Variants in DGKB observed in about 807,000 individuals in gnomAD.
DGKB encodes diacylglycerol kinase beta, also known as 90 kDa diacylglycerol kinase.
Under a neutral mutation model 114.3 loss-of-function variants are expected in DGKB, and 67 were observed. The observed-to-expected ratio is 0.59, with a 90% CI of 0.48 to 0.72. DGKB has a LOEUF of 0.72. DGKB is among the 30% of genes least tolerant of loss of function. The pLI, the probability that DGKB is intolerant of heterozygous loss-of-function variation, is 0.00. For missense variants in DGKB, 907 were observed against 975.2 expected (o/e 0.93, Z 0.93); for synonymous variants, 398 against 323.1 (o/e 1.23, Z -2.49).
At chr7:14,716,680 T>C (rs1269186648) in intron 6 of DGKB, among the ~76,000 whole-genome samples, 1 of 152,046 alleles carries the variant, frequency 6.6e-6, no homozygotes, top group African/African-American at 2.4e-5. Flanking sequence ...ATGTGGTAAA[T>C]TGTTAAGAAA....
intron 1 of DGKB, among the ~76,000 whole-genome samples, chr7:14,945,772 T>C (rs575048632): frequency 2.2e-4 from 33 of 151,788 alleles, no homozygotes; most frequent in Non-Finnish European, 4.1e-4. Context: ...ATTCCAGCAA[T>C]TTATGTTTAT....
At chr7:14,539,445 G>A (rs991864699) in intron 20 of DGKB, among the ~76,000 whole-genome samples, 1 of 152,028 alleles carries the variant, frequency 6.6e-6, no homozygotes, top group Non-Finnish European at 1.5e-5. Flanking sequence ...AAATAAAATA[G>A]CATTCATAAA....
intron 1 of DGKB, among the ~76,000 whole-genome samples, chr7:14,952,372 G>T (rs531970213): frequency 6.6e-6 from 1 of 152,080 alleles, no homozygotes; most frequent in African/African-American, 2.4e-5. Context: ...CACGTACATG[G>T]ATCGAATGAC....
rs566590897 is a variant in DGKB at position 14,240,640 on chromosome 7, A to G, written c.2123-62489T>C. Among the ~76,000 whole-genome samples, 31 of 152,154 alleles carry G rather than the reference A, an allele frequency of 2.0e-4. 2 individuals carry two copies. In the South Asian group the frequency reaches 6.2e-3, roughly 30 times the overall value. ...TCCCTTACCTTTTCTTCCCTCCCCA[A>G]GAGAAAGATCTTTGGTGAAAAAACT... On this transcript the variant is annotated intron_variant, in intron 23 of 25. Transcript: ENST00000402815.
chr7:14,436,957 T>C (rs1008809747), intron 21 of DGKB, among the ~76,000 whole-genome samples: 1 of 152,130 alleles, frequency 6.6e-6, no homozygotes, highest in Non-Finnish European at 1.5e-5. Context: ...CTAGTATCCA[T>C]TAATTAACAC....
chr7:14,311,408 C>T (rs1218296772), intron 23 of DGKB, among the ~76,000 whole-genome samples: 1 of 152,088 alleles, frequency 6.6e-6, no homozygotes, highest in African/African-American at 2.4e-5. Flanking sequence ...GCTTCACCCA[C>T]AACTTTATTC....
intron 21 of DGKB, among the ~76,000 whole-genome samples, chr7:14,474,459 A>G (rs1252040939): frequency 6.6e-6 from 1 of 152,166 alleles, no homozygotes; most frequent in Admixed American, 6.6e-5. Context: ...AGAGTAATAC[A>G]CTGCCAATAC....
intron 25 of DGKB, among the ~76,000 whole-genome samples, chr7:14,170,201 G>GAAAGAAAGAAAGAAAGAAAGAAATAAAT (rs1554272246): frequency 7.0e-6 from 1 of 142,676 alleles, no homozygotes; most frequent in Non-Finnish European, 1.5e-5. Flanking sequence ...AAGAAAGAAA[G>GAAAGAAAGAAAGAAAGAAAGAAATAAAT]AAATACATTA....
chr7:14,933,953 T>C (rs36870), intron 1 of DGKB, among the ~76,000 whole-genome samples: 19,402 of 152,182 alleles, frequency 0.13, 1,671 homozygotes, highest in Non-Finnish European at 0.19. Context: ...TATATCCCAA[T>C]ATGTTCCTCT....
At chr7:14,331,524 T>C (rs1189607731) in intron 23 of DGKB, among the ~76,000 whole-genome samples, 1 of 152,106 alleles carries the variant, frequency 6.6e-6, no homozygotes, top group African/African-American at 2.4e-5. Context: ...AAATTCATAA[T>C]AGTGGATGAC....
At position 14,149,203 on chromosome 7, in the gene DGKB, C is replaced by G. The variant is rs377024982; in HGVS notation, c.2340G>C (p.Leu780=). The G allele has an allele frequency of 2.5e-6, 4 of 1,613,156 alleles. No homozygotes were observed. Among genetic ancestry groups the G allele is most frequent in the African/African-American group, 1.3e-5 (1 of 74,792 alleles). ...AACCGGTTTTTGGAGGCGGGCCCAT[C>G]AGCATTGGGGCTTGGTTCTTGTGTG... ...KITHKNQAPM[L]MGPPPKTGLF... The change falls in exon 26 of 26, where the codon CTG becomes CTC. Residue 780 remains leucine, a synonymous_variant. Coordinates refer to ENST00000402815, the MANE Select transcript of DGKB (RefSeq NM_001350709.2).
At chr7:14,732,650 G>A (rs1564046252) in intron 5 of DGKB, among the ~76,000 whole-genome samples, 3 of 152,068 alleles carry the variant, frequency 2.0e-5, no homozygotes, top group African/African-American at 7.2e-5. Flanking sequence ...AGGAATCAGA[G>A]TTTAATTAAT....
chr7:14,382,121 C>T (rs1475809781), intron 21 of DGKB, among the ~76,000 whole-genome samples: 1 of 152,162 alleles, frequency 6.6e-6, no homozygotes, highest in Admixed American at 6.5e-5. Context: ...CTCTGATAGG[C>T]TGGTAGCAGC....
intron 1 of DGKB, among the ~76,000 whole-genome samples, chr7:14,851,865 C>T (rs1042026373): frequency 6.6e-6 from 1 of 152,128 alleles, no homozygotes; most frequent in African/African-American, 2.4e-5. Flanking sequence ...AGCTTCCACC[C>T]CCAAACATGA....
chr7:14,908,610 T>C (rs546171198), intron 1 of DGKB, among the ~76,000 whole-genome samples: 3 of 152,330 alleles, frequency 2.0e-5, no homozygotes, highest in African/African-American at 7.2e-5. Flanking sequence ...AGATAAAGCA[T>C]TTTATTTTTT....
chr7:14,340,207 T>C (rs1462907779), intron 22 of DGKB, among the ~76,000 whole-genome samples: 7 of 149,766 alleles, frequency 4.7e-5, no homozygotes, highest in Non-Finnish European at 1.0e-4. Flanking sequence ...TTTTTCCTCC[T>C]TTTCTGGTAC....
chr7:14,451,572 TC>T (rs201747074), intron 21 of DGKB, among the ~76,000 whole-genome samples: 3,732 of 151,350 alleles, frequency 0.025, 166 homozygotes, highest in African/African-American at 0.085. Context: ...TCTCTCTCTC[TC>T]TCCATCTAAT....
chr7:14,371,912 C>T (rs1817716007), intron 21 of DGKB, among the ~76,000 whole-genome samples: 1 of 152,154 alleles, frequency 6.6e-6, no homozygotes, highest in African/African-American at 2.4e-5. Flanking sequence ...GCAGGCATGC[C>T]AATCTCTGGC....
intron 7 of DGKB, among the ~76,000 whole-genome samples, chr7:14,699,189 T>C (rs888179640): frequency 2.0e-5 from 3 of 152,016 alleles, no homozygotes; most frequent in African/African-American, 7.2e-5. Context: ...CCAGAAGTAA[T>C]ACAAAGATAA....
Sources: gnomAD v4.1 joint callset for allele counts (sites outside exome capture counted in the v4.1 genomes callset) on GRCh38, gnomAD v4.1.1 for gene constraint, MANE v1.5 for transcripts, NCBI Gene and HGNC (gene_info 2026-07-23, HGNC 2026-07-21) for gene names.